Variants in PTPN14 observed in about 807,000 individuals in gnomAD.
The protein encoded by PTPN14 is tyrosine-protein phosphatase non-receptor type 14.
A neutral mutation model predicts 126.8 loss-of-function variants in PTPN14; 53 were observed. The ratio of observed to expected loss-of-function variants is 0.42; its 90% confidence interval spans 0.34 to 0.53. PTPN14 has a LOEUF of 0.53. Among genes scored for constraint, PTPN14 ranks in the 20% least tolerant of loss-of-function variants. The probability of loss-of-function intolerance (pLI) is 0.08; values close to 1 mark genes in which losing one functional copy is unlikely to be tolerated. For missense variants in PTPN14, 1,257 were observed against 1,552.9 expected (o/e 0.81, Z 3.20); for synonymous variants, 630 against 599.3 (o/e 1.05, Z -0.75).
chr1:214,533,537 A>AT, intron 1 of PTPN14: 3 of 279,114 alleles, frequency 1.1e-5, no homozygotes, highest in South Asian at 3.9e-5. Flanking sequence ...GTTTAAATAA[A>AT]AAAAAAAAAA....
At chr1:214,372,595 A>C in intron 16 of PTPN14, 116 bp downstream of exon 16, 1 of 1,429,132 alleles carries the variant, frequency 7.0e-7, no homozygotes, top group Non-Finnish European at 9.8e-7. Context: ...AAGCATGTGC[A>C]GAGAAACAGC....
At chr1:214,420,067 G>C (rs572291298) in intron 3 of PTPN14, among the ~76,000 whole-genome samples, 1 of 152,258 alleles carries the variant, frequency 6.6e-6, no homozygotes, top group East Asian at 1.9e-4. Context: ...GACTGTTCAA[G>C]TTGACAGTCA....
At chr1:214,391,417 A>T (rs1345871295) in intron 10 of PTPN14, among the ~76,000 whole-genome samples, 3 of 151,960 alleles carry the variant, frequency 2.0e-5, no homozygotes, top group Non-Finnish European at 2.9e-5. Context: ...CACAGTTTTT[A>T]AAAAAAATGC....
In PTPN14 at chr1:214,488,420, A is replaced by G. The variant is rs543554775; in HGVS notation, c.-154-23463T>C. On this transcript the variant is annotated intron_variant, in intron 1 of 18. Coordinates refer to ENST00000366956, the MANE Select transcript of PTPN14 (RefSeq NM_005401.5). ...CCATAAAACACTTTAATCATCCCCA[A>G]AACAACTCTCTGTACAGGCACACAA... Among the ~76,000 whole-genome samples, 16 of 152,302 alleles carry G rather than the reference A, an allele frequency of 1.1e-4. No individual in the cohort carries two copies. The East Asian group carries it at 2.3e-3, about 22-fold the overall frequency.
chr1:214,444,914 C>G (rs1441666868), intron 3 of PTPN14, among the ~76,000 whole-genome samples: 1 of 152,208 alleles, frequency 6.6e-6, no homozygotes, highest in Admixed American at 6.5e-5. Flanking sequence ...ACTCACTTCA[C>G]ACGCTGAAAT....
At chr1:214,478,261 C>T (rs1660907950) in intron 1 of PTPN14, among the ~76,000 whole-genome samples, 1 of 152,176 alleles carries the variant, frequency 6.6e-6, no homozygotes, top group East Asian at 1.9e-4. Flanking sequence ...TACATTTTGG[C>T]ATATCTACAT....
chr1:214,501,969 G>T (rs368867186), intron 1 of PTPN14, among the ~76,000 whole-genome samples: 4 of 147,530 alleles, frequency 2.7e-5, no homozygotes, highest in East Asian at 4.1e-4. Flanking sequence ...TGAAGCAGGA[G>T]AATGGCATGA....
At chr1:214,463,703 T>G (rs979769753) in intron 2 of PTPN14, among the ~76,000 whole-genome samples, 3 of 152,212 alleles carry the variant, frequency 2.0e-5, no homozygotes, top group Non-Finnish European at 4.4e-5. Flanking sequence ...ATCGAGGTCC[T>G]GGGCAATGCT....
chr1:214,373,102 G>A (rs1025781046), intron 15 of PTPN14, among the ~76,000 whole-genome samples: 7 of 152,218 alleles, frequency 4.6e-5, no homozygotes, highest in African/African-American at 1.4e-4. Flanking sequence ...CTGCTTAGGC[G>A]GGAGTACAGT....
rs1656101413 is a variant in PTPN14, at chr1:214,551,217, C to G, written c.-189G>C. 6.6e-6 allele frequency: 1 copy of G among 152,366 alleles called. No homozygotes were observed. The highest frequency in any genetic ancestry group is 1.5e-5 in the Non-Finnish European group (1 of 68,142). 9.4% of individuals were successfully genotyped at this position (152,366 alleles called of 1,614,324 possible). A position where few individuals can be genotyped will look rare whatever the true frequency, so the allele number is the denominator to read the frequency against. ...TGGCCCCCGTGGCGCCCCGGAGTCC[C>G]GCGCGGAAAGGCTGTCCTTCGCGGC... On this transcript the variant is annotated 5_prime_UTR_variant, in exon 1 of 19. Coordinates refer to ENST00000366956, the MANE Select transcript of PTPN14 (RefSeq NM_005401.5).
chr1:214,531,404 G>A (rs985435524), intron 1 of PTPN14: 3 of 151,644 alleles, frequency 2.0e-5, no homozygotes, highest in East Asian at 1.9e-4. Context: ...GATTTTTGAC[G>A]TTTCTCCGCC....
At chr1:214,368,918 G>T (rs1465196060) in intron 17 of PTPN14, among the ~76,000 whole-genome samples, 1 of 152,150 alleles carries the variant, frequency 6.6e-6, no homozygotes, top group Non-Finnish European at 1.5e-5. Flanking sequence ...AGAGGCGGAG[G>T]TTGCAGTGAG....
intron 1 of PTPN14, among the ~76,000 whole-genome samples, chr1:214,517,271 T>A (rs1418269201): frequency 6.6e-6 from 1 of 152,170 alleles, no homozygotes; most frequent in Non-Finnish European, 1.5e-5. Flanking sequence ...ACTTTATGTA[T>A]GTATGACAAA....
chr1:214,548,356 C>A (rs746986139), intron 1 of PTPN14, among the ~76,000 whole-genome samples: 1 of 152,126 alleles, frequency 6.6e-6, no homozygotes, highest in Non-Finnish European at 1.5e-5. Flanking sequence ...ACAGAGGAAG[C>A]GTAAATTAAA....
chr1:214,536,640 C>G (rs1237734026), intron 1 of PTPN14, among the ~76,000 whole-genome samples: 1 of 151,944 alleles, frequency 6.6e-6, no homozygotes, highest in Non-Finnish European at 1.5e-5. Context: ...AAAAAATTAG[C>G]TGGGCATGGT....
intron 5 of PTPN14, among the ~76,000 whole-genome samples, chr1:214,408,806 C>T (rs78929986): frequency 0.017 from 2,591 of 152,028 alleles, 83 homozygotes; most frequent in African/African-American, 0.059. Context: ...TGGAGCAGGA[C>T]ATTCCAGGCA....
chr1:214,369,743 C>A, intron 16 of PTPN14, 52 bp from the exon 17 acceptor site: 1 of 1,483,430 alleles, frequency 6.7e-7, no homozygotes, highest in Non-Finnish European at 9.4e-7. Context: ...AAGCTCTCAT[C>A]CTTTTAATCC....
At position 214,520,065 on chromosome 1, in the gene PTPN14, A is replaced by AAAAAAAATATATATAT; in HGVS notation, c.-155+31117_-155+31118insATATATATATTTTTTT. ...CCTGTCTCAAAAAAAAAAAAAAAAA[A>AAAAAAAATATATATAT]ATATATATATATATATATGCAGAAT... is the stretch of plus-strand genomic sequence containing the variant. On this transcript the variant is annotated intron_variant, in intron 1 of 18. Coordinates refer to ENST00000366956, the MANE Select transcript of PTPN14 (RefSeq NM_005401.5). Among the ~76,000 whole-genome samples the AAAAAAAATATATATAT allele has an allele frequency of 2.4e-4, 17 of 71,098 alleles. 1 individual carries two copies. The highest frequency in any genetic ancestry group is 1.4e-3 in the Admixed American group (9 of 6,302). The allele number at this position is 71,098 out of a possible 152,430, so 46.6% of individuals were successfully genotyped here.
chr1:214,404,360 A>G (rs1041697390), intron 5 of PTPN14, among the ~76,000 whole-genome samples: 2 of 152,188 alleles, frequency 1.3e-5, no homozygotes, highest in Non-Finnish European at 2.9e-5. Context: ...TTAGCCATCC[A>G]TTGAAATGAC....
Sources: allele counts gnomAD v4.1 joint callset (sites outside exome capture counted in the v4.1 genomes callset), GRCh38; gene constraint gnomAD v4.1.1; transcripts MANE v1.5; gene names NCBI Gene and HGNC (gene_info 2026-07-23, HGNC 2026-07-21).